Variants in SH2D3C observed in about 807,000 individuals in gnomAD.
SH2D3C encodes the protein SH2 domain-containing protein 3C.
A neutral mutation model predicts 75.2 loss-of-function variants in SH2D3C; 25 were observed. The ratio of observed to expected loss-of-function variants is 0.33; its 90% CI spans 0.24 to 0.46. The LOEUF is 0.46. Ranked by LOEUF, SH2D3C falls within the 20% of genes least tolerant of loss-of-function variation. The pLI is 1.00. For synonymous variants in SH2D3C, 450 were observed against 473.7 expected (o/e 0.95, Z 0.65); for missense variants, 933 against 1,165.3 (o/e 0.80, Z 2.90).
At chr9:127,756,067 G>A (rs1845371653) in intron 3 of SH2D3C, among the ~76,000 whole-genome samples, 1 of 152,128 alleles carries the variant, frequency 6.6e-6, no homozygotes, top group Non-Finnish European at 1.5e-5. Context: ...TGGGAGACCG[G>A]GGCAAGTGCA....
In SH2D3C at chr9:127,761,600, GC is replaced by G; in HGVS notation, c.555+10del. 1 of 1,605,918 alleles carries G rather than the reference GC, an allele frequency of 6.2e-7. No homozygotes were observed. The highest frequency in any genetic ancestry group is 8.5e-7 in the Non-Finnish European group (1 of 1,174,096). ...GTGTCCTCTGACCAACCCCTGGCCA[GC>G]CCCTCCTACCTTCACATAGTCGCTG... On this transcript the variant is annotated intron_variant, in intron 3 of 11. Coordinates refer to ENST00000314830, the MANE Select transcript of SH2D3C (RefSeq NM_170600.3).
chr9:127,773,447 C>A (rs1845765519), intron 2 of SH2D3C, among the ~76,000 whole-genome samples: 1 of 152,072 alleles, frequency 6.6e-6, no homozygotes, highest in Non-Finnish European at 1.5e-5. Context: ...TTGTCATTAG[C>A]AAATATGCAC....
chr9:127,763,566 G>C (rs1211846505), intron 2 of SH2D3C, among the ~76,000 whole-genome samples: 1 of 152,164 alleles, frequency 6.6e-6, no homozygotes, highest in South Asian at 2.1e-4. Context: ...ATAGTAAAGA[G>C]CCAATTTTAA....
At chr9:127,760,230 C>T (rs929049330) in intron 3 of SH2D3C, among the ~76,000 whole-genome samples, 14 of 152,212 alleles carry the variant, frequency 9.2e-5, no homozygotes, top group African/African-American at 2.4e-4. Flanking sequence ...CCACATGGAC[C>T]GGGAGCCCTT....
chr9:127,775,821 A>T (rs1845800545), intron 1 of SH2D3C, among the ~76,000 whole-genome samples: 1 of 151,388 alleles, frequency 6.6e-6, no homozygotes, highest in African/African-American at 2.4e-5. Flanking sequence ...AATAGCAATA[A>T]TTATTTATTT....
At chr9:127,768,447 G>A (rs1054902712) in intron 2 of SH2D3C, among the ~76,000 whole-genome samples, 1 of 151,980 alleles carries the variant, frequency 6.6e-6, no homozygotes, top group African/African-American at 2.4e-5. Flanking sequence ...TCTCTAGGTG[G>A]GAGGCAAAGG....
At chr9:127,765,050 A>G (rs1010890225) in intron 2 of SH2D3C, among the ~76,000 whole-genome samples, 1 of 151,830 alleles carries the variant, frequency 6.6e-6, no homozygotes, top group African/African-American at 2.4e-5. Context: ...TCACTCTGTC[A>G]TCTAGGCTGG....
intron 3 of SH2D3C, among the ~76,000 whole-genome samples, chr9:127,760,012 A>T (rs1056009417): frequency 2.0e-5 from 3 of 151,710 alleles, no homozygotes; most frequent in Non-Finnish European, 4.4e-5. Flanking sequence ...TTTTTTTTTA[A>T]ATTAGCAGTG....
chr9:127,748,107 T>G (rs1845088188), intron 5 of SH2D3C, among the ~76,000 whole-genome samples: 1 of 152,172 alleles, frequency 6.6e-6, no homozygotes, highest in Non-Finnish European at 1.5e-5. Flanking sequence ...ACACGGCCCC[T>G]CACTAGTGCC....
intron 2 of SH2D3C, chr9:127,762,255 A>G: frequency 8.1e-7 from 1 of 1,233,900 alleles, no homozygotes; most frequent in Non-Finnish European, 1.0e-6. Context: ...GCCAGAGGCC[A>G]GAGACGGCTG....
In SH2D3C at chr9:127,754,925, A is replaced by G. The variant is rs553474184; in HGVS notation, c.556-3625T>C. Reference sequence around the variant, plus strand: ...GGCGCCCAGAGGTGAGGCTGGGGTGACCCCGCCCCCTCCCCGGGTCGGCCG... The same window carrying G: ...GGCGCCCAGAGGTGAGGCTGGGGTGGCCCCGCCCCCTCCCCGGGTCGGCCG... On this transcript the variant is annotated intron_variant, in intron 3 of 11. Transcript: ENST00000314830. This position sits in a 1 kb window ranked among gnomAD's most constrained non-coding sequence, Gnocchi z 4.4. 9.6e-5 allele frequency: 48 copies of G among 501,124 alleles called. No individual in the cohort carries two copies. The highest frequency in any genetic ancestry group is 9.5e-4 in the African/African-American group (46 of 48,508). 31.0% of individuals were successfully genotyped at this position (501,124 alleles called of 1,614,324 possible).
At chr9:127,758,795 A>G (rs1175969609) in intron 3 of SH2D3C, among the ~76,000 whole-genome samples, 3 of 152,186 alleles carry the variant, frequency 2.0e-5, no homozygotes, top group Admixed American at 1.3e-4. Flanking sequence ...TCCTCCAGAA[A>G]GCTTTCCTTG....
chr9:127,746,504 C>A (rs1404664788), intron 6 of SH2D3C, among the ~76,000 whole-genome samples: 2 of 152,186 alleles, frequency 1.3e-5, no homozygotes, highest in African/African-American at 4.8e-5. Flanking sequence ...AAAATAAAGT[C>A]TATTAAGAAA....
chr9:127,755,278 T>C, intron 3 of SH2D3C: 1 of 706,146 alleles, frequency 1.4e-6, no homozygotes, highest in Non-Finnish European at 1.7e-6. Context: ...CGCGATTACC[T>C]CATCGCCTTG....
At position 127,751,171 on chromosome 9, in the gene SH2D3C, C is replaced by G. The variant is rs1411814074; in HGVS notation, c.684+1G>C. The G allele has an allele frequency of 6.2e-7, 1 of 1,613,710 alleles. No homozygotes were observed. The highest frequency in any genetic ancestry group is 8.5e-7 in the Non-Finnish European group (1 of 1,179,996). On this transcript the variant is annotated splice_donor_variant, in intron 4 of 11. Transcript: ENST00000314830. LOFTEE classifies it high-confidence loss of function. The surrounding 1 kb of genome is among the most constrained non-coding windows in gnomAD (Gnocchi z 4.1). ...TGAAGTCCAGCTCGGGGCCTACTCA[C>G]CTCTCGGGGGATGCGGCCATGGTAC...
chr9:127,760,019 AGTGG>A (rs1845490200), intron 3 of SH2D3C, among the ~76,000 whole-genome samples: 1 of 151,464 alleles, frequency 6.6e-6, no homozygotes, highest in South Asian at 2.1e-4. Context: ...TTAAATTAGC[AGTGG>A]CACACACATG....
At chr9:127,752,203 C>T (rs760317640) in intron 3 of SH2D3C, among the ~76,000 whole-genome samples, 1 of 152,096 alleles carries the variant, frequency 6.6e-6, no homozygotes, top group Non-Finnish European at 1.5e-5. Flanking sequence ...GCCAGGTGTA[C>T]GCCCACCAGA....
chr9:127,771,399 AC>A, intron 2 of SH2D3C: 1 of 1,299,460 alleles, frequency 7.7e-7, no homozygotes, highest in Non-Finnish European at 9.8e-7. Flanking sequence ...GCCCCACTCC[AC>A]CGCCTACTCC....
In SH2D3C at chr9:127,771,323, G is replaced by A. The variant is rs983783915; in HGVS notation, c.515+2667C>T. 11 of 1,417,696 alleles carry A rather than the reference G, an allele frequency of 7.8e-6. No individual in the cohort carries two copies. In the African/African-American group the frequency reaches 1.2e-4, roughly 15 times the overall value. The allele number at this position is 1,417,696 out of a possible 1,614,324, so 87.8% of individuals were successfully genotyped here. Reference sequence around the variant, plus strand: ...CCACTGAGCTGCAGAGCTCAGTGCCGGACTCCGGGGGCGGAGACTGACCTG... The same window carrying A: ...CCACTGAGCTGCAGAGCTCAGTGCCAGACTCCGGGGGCGGAGACTGACCTG... On this transcript the variant is annotated intron_variant, in intron 2 of 11. Transcript: ENST00000314830.
Sources: gnomAD v4.1 joint callset for allele counts (sites outside exome capture counted in the v4.1 genomes callset) on GRCh38, gnomAD v4.1.1 for gene constraint, Gnocchi (gnomAD v3.1) non-coding constraint, MANE v1.5 for transcripts, NCBI Gene and HGNC (gene_info 2026-07-23, HGNC 2026-07-21) for gene names.